The following VPS13B variants were observed in gnomAD, a reference collection of about 807,000 sequenced individuals.
VPS13B encodes the protein vacuolar protein sorting 13 homolog B, also known as intermembrane lipid transfer protein VPS13B.
A neutral mutation model predicts 426.4 loss-of-function variants in VPS13B; 285 were observed. That is an observed-to-expected ratio of 0.67 (90% CI 0.61 to 0.74). The LOEUF (loss-of-function observed/expected upper bound fraction) is 0.74, where lower values mean the gene tolerates loss of function less well. Ranked by LOEUF, VPS13B falls within the 30% of genes least tolerant of loss-of-function variation. VPS13B has a pLI of 0.00. For synonymous variants in VPS13B, 1,676 were observed against 1,676.4 expected, an observed-to-expected ratio of 1.00 and a Z score of 0.01; for missense variants, 4,537 against 4,782.6, an observed-to-expected ratio of 0.95 and a Z score of 1.51.
intron 54 of VPS13B, among the ~76,000 whole-genome samples, chr8:99,838,968 G>A (rs1162551651): frequency 6.6e-6 from 1 of 152,258 alleles, no homozygotes; most frequent in East Asian, 1.9e-4. Flanking sequence ...GAGGGTCGGA[G>A]AGAGGGCTGG....
chr8:99,310,690 T>C lies in VPS13B; in HGVS notation c.2824+35436T>C, dbSNP rs188576963. On this transcript the variant is annotated intron_variant, in intron 19 of 61. Coordinates refer to ENST00000357162, the MANE Select transcript of VPS13B (RefSeq NM_152564.5). ...ATTCCAGTCTTTGGTATCAGGATGA[T>C]GCTGGCCTCATAAAATGAGTTAGGG... Among the ~76,000 whole-genome samples, 505 of 152,358 alleles carry C rather than the reference T, an allele frequency of 3.3e-3. 4 individuals carry two copies. The highest frequency in any genetic ancestry group is 6.8e-3 in the Middle Eastern group (2 of 294).
Position 99,784,309 on chromosome 8 carries a change from T to C in VPS13B, c.7780-6T>C. 6.2e-7 allele frequency: 1 copy of C among 1,613,596 alleles called. No homozygotes were observed. Among genetic ancestry groups the C allele is most frequent in the Non-Finnish European group, 8.5e-7 (1 of 1,179,624 alleles). ...CATGTTGGCTTTCGTATCCTTTTTC[T>C]TTCAGAACAAATGCCCTGAGGTAGA... On this transcript the variant is annotated splice_region_variant and splice_polypyrimidine_tract_variant and intron_variant, in intron 42 of 61. Transcript: ENST00000357162.
chr8:99,610,629 C>A (rs1827804714), intron 33 of VPS13B, among the ~76,000 whole-genome samples: 1 of 152,014 alleles, frequency 6.6e-6, no homozygotes, highest in Non-Finnish European at 1.5e-5. Flanking sequence ...GGAGAAATAC[C>A]TAATGTAGAT....
chr8:99,196,333 T>A (rs1813923596), intron 17 of VPS13B, among the ~76,000 whole-genome samples: 1 of 152,144 alleles, frequency 6.6e-6, no homozygotes, highest in Non-Finnish European at 1.5e-5. Flanking sequence ...TTCCTAAATT[T>A]TTTTTGGATA....
At chr8:99,048,728 T>C (rs984724415) in intron 3 of VPS13B, among the ~76,000 whole-genome samples, 1 of 151,474 alleles carries the variant, frequency 6.6e-6, no homozygotes, top group Non-Finnish European at 1.5e-5. Flanking sequence ...GGCAGGAGAA[T>C]CAGTTGAACC....
rs768968175 is a variant in VPS13B at position 99,656,847 on chromosome 8, G to A, written c.5909-4507G>A. On this transcript the variant is annotated intron_variant, in intron 34 of 61. Transcript: ENST00000357162. ...AATGTTAATGACTACAGGCATATGCGAAGTAGAGAGTTTAGCAAAAACTGG... is the reference window on the plus strand; with the variant it reads ...AATGTTAATGACTACAGGCATATGCAAAGTAGAGAGTTTAGCAAAAACTGG... Among the ~76,000 whole-genome samples the A allele has an allele frequency of 3.2e-4, 49 of 152,252 alleles. 1 individual carries two copies. Among genetic ancestry groups the A allele is most frequent in the Middle Eastern group, 3.4e-3 (1 of 294 alleles).
rs190212554 is a variant in VPS13B at position 99,036,435 on chromosome 8, T to A, written c.148-1988T>A. 4.8e-4 allele frequency among the ~76,000 whole-genome samples: 73 copies of A among 152,326 alleles called. 1 individual carries two copies. Among genetic ancestry groups the A allele is most frequent in the African/African-American group, 1.5e-3 (62 of 41,584 alleles). On this transcript the variant is annotated intron_variant, in intron 2 of 61. Transcript: ENST00000357162. ...GAAAAGAATGAAAAGAAAATTCCTT[T>A]TTTGGTTATCTTAAGGAAGATCCAT...
At chr8:99,634,288 C>G (rs1828984266) in intron 33 of VPS13B, among the ~76,000 whole-genome samples, 1 of 151,870 alleles carries the variant, frequency 6.6e-6, no homozygotes, top group Non-Finnish European at 1.5e-5. Context: ...CAGTTTAGCA[C>G]TAGTCTTAGT....
Position 99,066,056 on chromosome 8 carries a change from C to T in VPS13B, c.291+27490C>T, listed in dbSNP as rs552732743. On this transcript the variant is annotated intron_variant, in intron 3 of 61. Transcript: ENST00000357162. ...GCTCATGGATAGGAAGAATCAATAT[C>T]GTGAAAATGGCCATACTGCTCAAGG... is the stretch of plus-strand genomic sequence containing the variant. 7.9e-5 allele frequency among the ~76,000 whole-genome samples: 12 copies of T among 152,248 alleles called. No homozygotes were observed. In the South Asian group the frequency reaches 1.2e-3, roughly 16 times the overall value.
chr8:99,598,164 C>A (rs967339334), intron 33 of VPS13B, among the ~76,000 whole-genome samples: 2 of 152,006 alleles, frequency 1.3e-5, no homozygotes, highest in East Asian at 1.9e-4. Flanking sequence ...TGCAGCTAGA[C>A]AATGACTTAA....
chr8:99,640,025 T>TAAGAAGAAGAAG (rs1200705406), intron 33 of VPS13B, among the ~76,000 whole-genome samples: 2 of 104,332 alleles, frequency 1.9e-5, no homozygotes, highest in East Asian at 2.6e-4. Flanking sequence ...ATAATAATAA[T>TAAGAAGAAGAAG]AAGAAGAAGA....
At chr8:99,610,561 G>A (rs1359155630) in intron 33 of VPS13B, among the ~76,000 whole-genome samples, 5 of 151,812 alleles carry the variant, frequency 3.3e-5, no homozygotes, top group African/African-American at 1.2e-4. Context: ...CTCGGGGAGG[G>A]GAACATCACA....
At chr8:99,671,099 C>T (rs1360316169) in intron 35 of VPS13B, among the ~76,000 whole-genome samples, 3 of 152,146 alleles carry the variant, frequency 2.0e-5, no homozygotes, top group African/African-American at 7.2e-5. Flanking sequence ...TATATTCCCA[C>T]CAACAATGTG....
intron 17 of VPS13B, among the ~76,000 whole-genome samples, chr8:99,256,210 A>G (rs1456842749): frequency 6.6e-6 from 1 of 152,142 alleles, no homozygotes; most frequent in Non-Finnish European, 1.5e-5. Context: ...CCTTACTACC[A>G]TGACATTTGC....
intron 21 of VPS13B, among the ~76,000 whole-genome samples, chr8:99,422,359 C>T (rs906066576): frequency 9.2e-5 from 14 of 152,120 alleles, no homozygotes; most frequent in Admixed American, 1.3e-4. Context: ...TGGTTAGTGG[C>T]GACTGGAAAT....
chr8:99,481,071 A>T (rs1001321354), intron 24 of VPS13B, among the ~76,000 whole-genome samples: 1 of 152,114 alleles, frequency 6.6e-6, no homozygotes, highest in East Asian at 1.9e-4. Flanking sequence ...AGTAGGTTGG[A>T]TATGTTCTTT....
chr8:99,656,961 G>A (rs1360860464), intron 34 of VPS13B, among the ~76,000 whole-genome samples: 8 of 152,040 alleles, frequency 5.3e-5, no homozygotes, highest in Non-Finnish European at 1.2e-4. Flanking sequence ...CAGTTATTCT[G>A]TTTTATCAAC....
chr8:99,586,966 A>C (rs1826334710), intron 33 of VPS13B, among the ~76,000 whole-genome samples: 1 of 151,916 alleles, frequency 6.6e-6, no homozygotes, highest in East Asian at 1.9e-4. Flanking sequence ...TCCTAATGCT[A>C]TCCCTCCCCC....
At chr8:99,575,343 A>T (rs1433765514) in intron 31 of VPS13B, among the ~76,000 whole-genome samples, 2 of 152,212 alleles carry the variant, frequency 1.3e-5, no homozygotes, top group Non-Finnish European at 2.9e-5. Context: ...ATTGGTGGTA[A>T]CAAAAGTGAT....
Sources: gnomAD v4.1 joint callset for allele counts (sites outside exome capture counted in the v4.1 genomes callset) on GRCh38, gnomAD v4.1.1 for gene constraint, MANE v1.5 for transcripts, NCBI Gene and HGNC (gene_info 2026-07-23, HGNC 2026-07-21) for gene names.